The following REV3L variants were observed in gnomAD, a reference collection of about 807,000 sequenced individuals.
The protein encoded by REV3L is DNA polymerase zeta catalytic subunit.
REV3L carries 69 observed loss-of-function variants against 299.4 expected under a neutral mutation model. The observed-to-expected ratio is 0.23, with a 90% confidence interval of 0.19 to 0.28. REV3L has a LOEUF of 0.28. Ranked by LOEUF, REV3L falls within the 10% of genes least tolerant of loss-of-function variation. The pLI is 1.00. For synonymous variants in REV3L, 1,238 were observed against 1,271.4 expected (o/e 0.97, Z 0.56); for missense variants, 3,128 against 3,693.8 (o/e 0.85, Z 3.97).
intron 1 of REV3L, among the ~76,000 whole-genome samples, chr6:111,434,934 G>A (rs144714308): frequency 6.6e-6 from 1 of 152,288 alleles, no homozygotes; most frequent in African/African-American, 2.4e-5. Flanking sequence ...TGGCTAATGT[G>A]GTAACTCACG....
At chr6:111,346,553 A>C (rs1777049040) in intron 20 of REV3L, among the ~76,000 whole-genome samples, 1 of 152,182 alleles carries the variant, frequency 6.6e-6, no homozygotes, top group Admixed American at 6.5e-5. Context: ...ATAATAAAAC[A>C]GTGCACTGCA....
At chr6:111,304,793 C>A (rs1772086592) in intron 31 of REV3L, among the ~76,000 whole-genome samples, 2 of 152,154 alleles carry the variant, frequency 1.3e-5, no homozygotes, top group East Asian at 1.9e-4. Flanking sequence ...TAGTGTTCAT[C>A]ATTCCCATCT....
Position 111,387,928 on chromosome 6 carries a change from C to G in REV3L, c.948-15G>C. On this transcript the variant is annotated splice_polypyrimidine_tract_variant and intron_variant, in intron 8 of 31. Coordinates refer to ENST00000368802, the MANE Select transcript of REV3L (RefSeq NM_001372078.1). ...CTGATAATGTTCTGCTTAATTAAAA[C>G]ATATCCTTTATAACAGACTACATAA... 6.2e-7 allele frequency: 1 copy of G among 1,613,290 alleles called. No homozygotes were observed. The highest frequency in any genetic ancestry group is 8.5e-7 in the Non-Finnish European group (1 of 1,179,390).
intron 16 of REV3L, chr6:111,361,417 CACAAAAAAAAAA>C (rs1251333648): frequency 2.9e-5 from 3 of 102,192 alleles, no homozygotes; most frequent in African/African-American, 1.3e-4. Context: ...AACACACACA[CACAAAAAAAAAA>C]ACAAAAAAAA....
chr6:111,438,496 A>G (rs4276544), intron 1 of REV3L, among the ~76,000 whole-genome samples: 59,162 of 147,756 alleles, frequency 0.4, 14,400 homozygotes, highest in Non-Finnish European at 0.54. Context: ...CCTGAATCAT[A>G]TTAAGATTAA....
intron 1 of REV3L, among the ~76,000 whole-genome samples, chr6:111,479,056 A>C (rs1793292739): frequency 6.6e-6 from 1 of 152,240 alleles, no homozygotes; most frequent in Non-Finnish European, 1.5e-5. Context: ...AGTTACATCA[A>C]GCAACTAAGC....
chr6:111,453,846 C>T (rs796879525), intron 1 of REV3L, among the ~76,000 whole-genome samples: 15 of 151,918 alleles, frequency 9.9e-5, no homozygotes, highest in African/African-American at 2.9e-4. Flanking sequence ...ATTAGCTGGG[C>T]GTGGTGGCGC....
intron 1 of REV3L, chr6:111,431,189 C>T (rs895493219): frequency 3.2e-6 from 5 of 1,566,174 alleles, no homozygotes; most frequent in African/African-American, 1.4e-5. Context: ...CAAGATTATC[C>T]ATCTGTGATG....
chr6:111,483,644 C>T (rs1463817475), upstream of REV3L: 2 of 430,422 alleles, frequency 4.6e-6, no homozygotes, highest in Admixed American at 2.5e-5. Context: ...CGGGGGCAGC[C>T]GCTGAGACGG....
chr6:111,482,723 C>T, intron 1 of REV3L, 27 bp downstream of exon 1: 2 of 1,299,678 alleles, frequency 1.5e-6, no homozygotes, highest in Non-Finnish European at 2.0e-6. Context: ...GACTCCCGCT[C>T]CCGCCCCGCG....
intron 22 of REV3L, 127 bp downstream of exon 22, chr6:111,335,342 T>C (rs996056321): frequency 9.4e-7 from 1 of 1,069,484 alleles, no homozygotes; most frequent in Non-Finnish European, 1.3e-6. Context: ...AATGACAAGA[T>C]TTAATTACCC....
intron 1 of REV3L, among the ~76,000 whole-genome samples, chr6:111,466,838 T>C (rs1791574071): frequency 6.6e-6 from 1 of 152,074 alleles, no homozygotes. Context: ...TGAGACTCTG[T>C]CTCAAAAAAT....
intron 5 of REV3L, 86 bp downstream of exon 5, chr6:111,392,790 T>C: frequency 1.2e-6 from 1 of 842,608 alleles, no homozygotes; most frequent in Non-Finnish European, 1.9e-6. Context: ...CAATAAAAGG[T>C]TAAAATTTAA....
intron 1 of REV3L, among the ~76,000 whole-genome samples, chr6:111,451,028 C>T (rs1001391747): frequency 6.6e-6 from 1 of 152,104 alleles, no homozygotes; most frequent in Non-Finnish European, 1.5e-5. Flanking sequence ...AATGAGTTTC[C>T]ATAAAAAACA....
intron 31 of REV3L, among the ~76,000 whole-genome samples, chr6:111,306,163 AGAG>A (rs1400526464): frequency 1.3e-5 from 2 of 152,162 alleles, no homozygotes; most frequent in Non-Finnish European, 2.9e-5. Flanking sequence ...ACAGTAAAGC[AGAG>A]GAGATTATGG....
intron 20 of REV3L, 29 bp downstream of exon 20, chr6:111,349,189 C>A (rs758010806): frequency 8.9e-7 from 1 of 1,123,928 alleles, no homozygotes; most frequent in Non-Finnish European, 1.4e-6. Flanking sequence ...TATCTTATTT[C>A]TAAACAACAT....
At position 111,367,865 on chromosome 6, in the gene REV3L, C is replaced by T. The variant is rs1294092317; in HGVS notation, c.5923G>A (p.Val1975Ile). ...PGSPLRSGQG[V>I]VNKGSSNSPK... Reference sequence around the variant, plus strand: ...CTATTACTTGACCCTTTATTGACAACTCCTTGGCCACTGCGAAGGGGTGAC... The same window carrying T: ...CTATTACTTGACCCTTTATTGACAATTCCTTGGCCACTGCGAAGGGGTGAC... The change falls in exon 14 of 32, where the codon GTT becomes ATT. Residue 1975 changes from valine (V) to isoleucine (I), a missense_variant. Physicochemically the swap from Val to Ile is conservative, Grantham distance 29. Coordinates refer to ENST00000368802, the MANE Select transcript of REV3L (RefSeq NM_001372078.1). 2 of 1,614,134 alleles carry T rather than the reference C, an allele frequency of 1.2e-6. No individual in the cohort carries two copies. The highest frequency in any genetic ancestry group is 1.7e-5 in the Admixed American group (1 of 60,018).
At chr6:111,352,782 G>A (rs957830966) in intron 18 of REV3L, among the ~76,000 whole-genome samples, 1 of 152,144 alleles carries the variant, frequency 6.6e-6, no homozygotes, top group Non-Finnish European at 1.5e-5. Context: ...CTCGTGGTCA[G>A]AGCTTCACTG....
chr6:111,322,518 T>C, intron 26 of REV3L, 51 bp downstream of exon 26: 1 of 1,341,386 alleles, frequency 7.5e-7, no homozygotes, highest in Non-Finnish European at 1.1e-6. Context: ...AACACTGAAA[T>C]GAAGATCTAG....
Sources: allele counts gnomAD v4.1 joint callset (sites outside exome capture counted in the v4.1 genomes callset), GRCh38; gene constraint gnomAD v4.1.1; transcripts MANE v1.5; gene names NCBI Gene and HGNC (gene_info 2026-07-23, HGNC 2026-07-21).